OR2V2: variants seen among roughly 807,000 people sequenced by gnomAD.
OR2V2 encodes olfactory receptor 2V2.
For synonymous variants in OR2V2, 161 were observed against 151.3 expected (o/e 1.06, Z -0.47); for missense variants, 392 against 392.2 (o/e 1.00, Z 0.00).
intron 1 of OR2V2, among the ~76,000 whole-genome samples, chr5:181,151,049 A>C (rs530328844): frequency 1.3e-5 from 2 of 152,264 alleles, no homozygotes; most frequent in South Asian, 4.2e-4. Flanking sequence ...GAAAGCAAGC[A>C]GGGAAGGAGG....
At chr5:181,150,063 A>G (rs1403048172) in intron 1 of OR2V2, among the ~76,000 whole-genome samples, 4 of 152,210 alleles carry the variant, frequency 2.6e-5, no homozygotes, top group Non-Finnish European at 4.4e-5. Context: ...TCGGGCCCCT[A>G]TGACCAAGAT....
chr5:181,154,940 G>C lies in OR2V2; in HGVS notation c.-3G>C. Reference sequence around the variant, plus strand: ...TCAGGTGACCAGGAGCAACAACCGAGCCATGGAGACGTGGGTGAACCAGTC... The same window carrying C: ...TCAGGTGACCAGGAGCAACAACCGACCCATGGAGACGTGGGTGAACCAGTC... On this transcript the variant is annotated 5_prime_UTR_variant, in exon 2 of 2. Transcript: ENST00000641492. The C allele has an allele frequency of 6.2e-7, 1 of 1,607,356 alleles. No homozygotes were observed. The highest frequency in any genetic ancestry group is 1.3e-5 in the African/African-American group (1 of 74,898).
Position 181,156,098 on chromosome 5 carries a change from C to G in OR2V2, c.*208C>G. 1 of 463,226 alleles carries G rather than the reference C, an allele frequency of 2.2e-6. No individual in the cohort carries two copies. Among genetic ancestry groups the G allele is most frequent in the Non-Finnish European group, 3.6e-6 (1 of 276,220 alleles). The allele number at this position is 463,226 out of a possible 1,614,324, so 28.7% of individuals were successfully genotyped here. A position where few individuals can be genotyped will look rare whatever the true frequency, so the allele number is the denominator to read the frequency against. On this transcript the variant is annotated 3_prime_UTR_variant, in exon 2 of 2. Coordinates refer to ENST00000641492, the MANE Select transcript of OR2V2 (RefSeq NM_206880.2). The stretch of plus-strand genomic sequence containing the variant: ...TTGTTCTTTCTTTCGTTCTTTCTTT[C>G]TCTTCCTCTTTCTCTTTCTTTCTTT...
rs1238516794 is a variant in OR2V2 at position 181,155,633 on chromosome 5, T to A, written c.691T>A (p.Ser231Thr). Reference protein sequence around the residue: ...HILGTVLQMHSAQAWKKALAT... With the variant: ...HILGTVLQMHTAQAWKKALAT... ...TCTAGGGACTGTGCTGCAAATGCACTCTGCTCAGGCCTGGAAAAAGGCCCT... is the reference window on the plus strand; with the variant it reads ...TCTAGGGACTGTGCTGCAAATGCACACTGCTCAGGCCTGGAAAAAGGCCCT... Residue 231 changes from serine (S) to threonine (T), a missense_variant, in exon 2 of 2, where the codon TCT (serine) becomes ACT (threonine). Physicochemically the swap from Ser to Thr is moderately conservative, Grantham distance 58. Coordinates refer to ENST00000641492, the MANE Select transcript of OR2V2 (RefSeq NM_206880.2). 6.2e-7 allele frequency: 1 copy of A among 1,614,232 alleles called. No homozygotes were observed. The highest frequency in any genetic ancestry group is 1.7e-5 in the Admixed American group (1 of 60,026).
At chr5:181,151,398 G>A (rs979077110) in intron 1 of OR2V2, among the ~76,000 whole-genome samples, 10 of 152,148 alleles carry the variant, frequency 6.6e-5, no homozygotes, top group African/African-American at 1.4e-4. Flanking sequence ...CGATGCCTTC[G>A]CCCTCAGTCT....
chr5:181,148,492 G>C (rs770951087), intron 1 of OR2V2, among the ~76,000 whole-genome samples: 2 of 152,198 alleles, frequency 1.3e-5, no homozygotes, highest in African/African-American at 4.8e-5. Context: ...CCAGCAGAAA[G>C]GTCTGAAGTT....
In OR2V2 at chr5:181,157,109, A is replaced by G. The variant is rs749585594; in HGVS notation, c.*1219A>G. On this transcript the variant is annotated 3_prime_UTR_variant, in exon 2 of 2. Coordinates refer to ENST00000641492, the MANE Select transcript of OR2V2 (RefSeq NM_206880.2). ...AGTGTGAACTATTTGCAGGACTTGT[A>G]TCCATCCTTCCAAGCTCTGTACCTG... is the stretch of plus-strand genomic sequence containing the variant. 2 of 152,258 alleles carry G rather than the reference A, an allele frequency of 1.3e-5. No individual in the cohort carries two copies. Among genetic ancestry groups the G allele is most frequent in the African/African-American group, 4.8e-5 (2 of 41,470 alleles). 9.4% of individuals were successfully genotyped at this position (152,258 alleles called of 1,614,324 possible). A position where few individuals can be genotyped will look rare whatever the true frequency, so the allele number is the denominator to read the frequency against.
At chr5:181,152,702 A>G (rs148462557) in intron 1 of OR2V2, among the ~76,000 whole-genome samples, 5 of 152,356 alleles carry the variant, frequency 3.3e-5, no homozygotes, top group African/African-American at 1.2e-4. Flanking sequence ...ATGTGAGGTC[A>G]CAAAATACCC....
rs1763297604 is a variant in OR2V2 at position 181,158,709 on chromosome 5, T to C, written c.*2819T>C. ...CACAGGAGAGTAAAAGAAGCAAGAA[T>C]CTTGCCAGGGGACATGGGAGTTTTT... On this transcript the variant is annotated 3_prime_UTR_variant, in exon 2 of 2. Coordinates refer to ENST00000641492, the MANE Select transcript of OR2V2 (RefSeq NM_206880.2). The C allele has an allele frequency of 6.6e-6, 1 of 152,240 alleles. No individual in the cohort carries two copies. Among genetic ancestry groups the C allele is most frequent in the East Asian group, 1.9e-4 (1 of 5,184 alleles). 9.4% of individuals were successfully genotyped at this position (152,240 alleles called of 1,614,324 possible).
chr5:181,154,996 C>A lies in OR2V2; in HGVS notation c.54C>A (p.Ile18=), dbSNP rs1035171112. 6.2e-6 allele frequency: 10 copies of A among 1,614,194 alleles called. No individual in the cohort carries two copies. The highest frequency in any genetic ancestry group is 7.6e-6 in the Non-Finnish European group (9 of 1,180,020). ...SYTDGFFLLG[I]FSHSTADLVL... Reference sequence around the variant, plus strand: ...CAGATGGCTTCTTCCTCTTAGGCATCTTCTCCCACAGTACTGCTGACCTTG... The same window carrying A: ...CAGATGGCTTCTTCCTCTTAGGCATATTCTCCCACAGTACTGCTGACCTTG... Residue 18 remains isoleucine, a synonymous_variant, in exon 2 of 2, where the codon ATC becomes ATA. Coordinates refer to ENST00000641492, the MANE Select transcript of OR2V2 (RefSeq NM_206880.2).
chr5:181,151,982 CA>C (rs3044869), intron 1 of OR2V2, among the ~76,000 whole-genome samples: 5,394 of 93,308 alleles, frequency 0.058, 183 homozygotes, highest in African/African-American at 0.12. Context: ...GGCCCTGTCT[CA>C]AAAAAAAAAA....
chr5:181,154,936 C>T lies in OR2V2; in HGVS notation c.-7C>T, dbSNP rs1027285556. 1 of 1,603,562 alleles carries T rather than the reference C, an allele frequency of 6.2e-7. No homozygotes were observed. Among genetic ancestry groups the T allele is most frequent in the Non-Finnish European group, 8.5e-7 (1 of 1,170,730 alleles). ...ATTCTCAGGTGACCAGGAGCAACAA[C>T]CGAGCCATGGAGACGTGGGTGAACC... On this transcript the variant is annotated 5_prime_UTR_variant, in exon 2 of 2. Coordinates refer to ENST00000641492, the MANE Select transcript of OR2V2 (RefSeq NM_206880.2).
chr5:181,158,004 T>TGGGA lies in OR2V2; in HGVS notation c.*2114_*2115insGGGA, dbSNP rs1763286929. On this transcript the variant is annotated 3_prime_UTR_variant, in exon 2 of 2. Coordinates refer to ENST00000641492, the MANE Select transcript of OR2V2 (RefSeq NM_206880.2). Reference sequence around the variant, plus strand: ...AAAAGTTTCACCAGCCTTTACCTTATCTAGTCCCATGATGGGGAAATTCCT... The same window carrying TGGGA: ...AAAAGTTTCACCAGCCTTTACCTTATGGGACTAGTCCCATGATGGGGAAATTCCT... 6.6e-6 allele frequency: 1 copy of TGGGA among 152,228 alleles called. No individual in the cohort carries two copies. The highest frequency in any genetic ancestry group is 1.5e-5 in the Non-Finnish European group (1 of 68,042). The allele number at this position is 152,228 out of a possible 1,614,324, so 9.4% of individuals were successfully genotyped here.
Position 181,155,212 on chromosome 5 carries a change from G to A in OR2V2, c.270G>A (p.Arg90=), listed in dbSNP as rs139178516. ...PKMAANFLSG[R]KSISFVGCGI... is the part of the protein sequence containing the mutation. ...TGGCAGCCAACTTCCTGTCTGGCAG[G>A]AAGTCCATCTCCTTTGTGGGCTGTG... Residue 90 remains arginine (R), a synonymous_variant, in exon 2 of 2, where the codon AGG becomes AGA. Transcript: ENST00000641492. 9.3e-6 allele frequency: 15 copies of A among 1,614,056 alleles called. No homozygotes were observed. The African/African-American group carries it at 1.9e-4, about 20-fold the overall frequency.
intron 1 of OR2V2, among the ~76,000 whole-genome samples, chr5:181,149,456 C>CA (rs773868381): frequency 2.6e-5 from 4 of 152,206 alleles, no homozygotes; most frequent in Non-Finnish European, 4.4e-5. Flanking sequence ...AGAACAGCCC[C>CA]ACTGGCCATC....
rs2546423 is a variant in OR2V2, at chr5:181,155,604, A to T, written c.662A>T (p.His221Leu). 2.5e-6 allele frequency: 4 copies of T among 1,613,848 alleles called. No homozygotes were observed. Among genetic ancestry groups the T allele is most frequent in the Middle Eastern group, 1.6e-4 (1 of 6,084 alleles). ...PFSIIVASYA[H>L]ILGTVLQMHS... ...TCCATCATCGTGGCCTCCTATGCTC[A>T]CATTCTAGGGACTGTGCTGCAAATG... Residue 221 changes from histidine to leucine, a missense_variant, in exon 2 of 2, where the codon CAC (histidine) becomes CTC (leucine). Coordinates refer to ENST00000641492, the MANE Select transcript of OR2V2 (RefSeq NM_206880.2).
rs1291596940 is a variant in OR2V2, at chr5:181,155,550, G to T, written c.608G>T (p.Cys203Phe). The part of the protein sequence containing the change: ...TSLFEKVIFA[C>F]CVFMLLFPFS... ...CTGTTTGAGAAGGTGATATTTGCTT[G>T]CTGTGTCTTCATGCTTCTCTTCCCA... The change falls in exon 2 of 2, where the codon TGC (cysteine) becomes TTC (phenylalanine). Residue 203 changes from cysteine (C) to phenylalanine (F), a missense_variant. Physicochemically the swap from Cys to Phe is radical, Grantham distance 205. Coordinates refer to ENST00000641492, the MANE Select transcript of OR2V2 (RefSeq NM_206880.2). The T allele has an allele frequency of 6.2e-7, 1 of 1,614,086 alleles. No individual in the cohort carries two copies. The highest frequency in any genetic ancestry group is 8.5e-7 in the Non-Finnish European group (1 of 1,180,044).
intron 1 of OR2V2, among the ~76,000 whole-genome samples, chr5:181,149,792 A>T (rs1406224822): frequency 3.9e-5 from 6 of 152,112 alleles, no homozygotes; most frequent in Non-Finnish European, 8.8e-5. Flanking sequence ...TTTGCAAAGA[A>T]ATAGAGAGAG....
At chr5:181,154,720 C>T (rs1213709070) in intron 1 of OR2V2, among the ~76,000 whole-genome samples, 199 bp from the exon 2 acceptor site, 1 of 152,078 alleles carries the variant, frequency 6.6e-6, no homozygotes, top group Non-Finnish European at 1.5e-5. Context: ...ACATACAGCA[C>T]ATAAACACAG....
Sources: allele counts gnomAD v4.1 joint callset (sites outside exome capture counted in the v4.1 genomes callset), GRCh38; gene constraint gnomAD v4.1.1; transcripts MANE v1.5; gene names NCBI Gene and HGNC (gene_info 2026-07-23, HGNC 2026-07-21).